The following TXNDC11 variants were observed in gnomAD, a reference collection of about 807,000 sequenced individuals.
TXNDC11 encodes the protein thioredoxin domain-containing protein 11.
Under a neutral mutation model 78.0 loss-of-function variants are expected in TXNDC11, and 68 were observed. The ratio of observed to expected loss-of-function variants is 0.87; its 90% CI spans 0.72 to 1.07. TXNDC11 has a LOEUF of 1.07. Ranked by LOEUF, TXNDC11 falls within the 50% of genes least tolerant of loss-of-function variation. The pLI is 0.00. For missense variants in TXNDC11, 1,389 were observed against 1,221.8 expected, an observed-to-expected ratio of 1.14 and a Z score of -2.04; for synonymous variants, 571 against 495.2, an observed-to-expected ratio of 1.15 and a Z score of -2.03.
At position 11,683,443 on chromosome 16, in the gene TXNDC11, G is replaced by A. The variant is rs562965741; in HGVS notation, c.2234+722C>T. Among the ~76,000 whole-genome samples, 35 of 152,328 alleles carry A rather than the reference G, an allele frequency of 2.3e-4. 1 individual carries two copies. The highest frequency in any genetic ancestry group is 8.2e-4 in the African/African-American group (34 of 41,590). On this transcript the variant is annotated intron_variant, in intron 11 of 11. Coordinates refer to ENST00000283033, the MANE Select transcript of TXNDC11 (RefSeq NM_015914.7). ...GCCACCCTGTCCTCTGTACGAGAGG[G>A]ATGAGGAGCTGCTGGGAGGCCAACT...
chr16:11,686,553 G>A (rs138982142), intron 10 of TXNDC11, among the ~76,000 whole-genome samples: 3 of 152,204 alleles, frequency 2.0e-5, no homozygotes, highest in African/African-American at 7.2e-5. Context: ...AAGAGTTATG[G>A]CAATGTACTC....
chr16:11,685,666 C>CA (rs1459846278), intron 10 of TXNDC11, among the ~76,000 whole-genome samples: 1 of 151,218 alleles, frequency 6.6e-6, no homozygotes, highest in Non-Finnish European at 1.5e-5. Context: ...AAAACAAAAA[C>CA]AAAAAACAAC....
At chr16:11,733,233 GCAA>G (rs1344653882) in intron 3 of TXNDC11, among the ~76,000 whole-genome samples, 1 of 151,822 alleles carries the variant, frequency 6.6e-6, no homozygotes, top group African/African-American at 2.4e-5. Flanking sequence ...TCCAGCCTGG[GCAA>G]CAAAAGCTAA....
chr16:11,701,200 G>A (rs1045482687), intron 5 of TXNDC11, among the ~76,000 whole-genome samples: 8 of 139,858 alleles, frequency 5.7e-5, no homozygotes, highest in Admixed American at 1.5e-4. Flanking sequence ...GCAGTGGTGC[G>A]ATATCGGCTC....
intron 3 of TXNDC11, among the ~76,000 whole-genome samples, chr16:11,732,188 T>C (rs928667909): frequency 6.6e-5 from 10 of 152,230 alleles, no homozygotes; most frequent in Non-Finnish European, 1.5e-4. Context: ...GTCCCTTCAA[T>C]CTTTCTGCAA....
At chr16:11,722,821 T>C (rs897595459) in intron 4 of TXNDC11, among the ~76,000 whole-genome samples, 3 of 152,220 alleles carry the variant, frequency 2.0e-5, no homozygotes, top group African/African-American at 7.2e-5. Flanking sequence ...ATTTGATCTG[T>C]TGGTAAAGTT....
intron 6 of TXNDC11, 47 bp downstream of exon 6, chr16:11,700,405 G>A (rs1172152030): frequency 4.4e-6 from 4 of 908,624 alleles, no homozygotes; most frequent in Non-Finnish European, 7.0e-6. Flanking sequence ...ACCTAAACAA[G>A]GTTAAGAACC....
chr16:11,698,072 T>C, intron 7 of TXNDC11, 53 bp downstream of exon 7: 1 of 1,528,994 alleles, frequency 6.5e-7, no homozygotes, highest in Non-Finnish European at 9.1e-7. Context: ...AGGAGCCAGG[T>C]AGATGAGGCT....
intron 5 of TXNDC11, among the ~76,000 whole-genome samples, chr16:11,704,530 T>A (rs1481760515): frequency 1.3e-5 from 2 of 152,224 alleles, no homozygotes; most frequent in Non-Finnish European, 2.9e-5. Flanking sequence ...TTTAACCAAC[T>A]GATCAAAGTT....
At chr16:11,703,137 C>T (rs993004083) in intron 5 of TXNDC11, among the ~76,000 whole-genome samples, 8 of 152,098 alleles carry the variant, frequency 5.3e-5, no homozygotes, top group East Asian at 3.8e-4. Context: ...GCAAACCCAA[C>T]GTGGAATACA....
intron 11 of TXNDC11, among the ~76,000 whole-genome samples, chr16:11,683,658 G>GT (rs2050490672): frequency 6.6e-6 from 1 of 152,048 alleles, no homozygotes; most frequent in African/African-American, 2.4e-5. Flanking sequence ...TCAAGCTCGG[G>GT]TAAGAGATAG....
At chr16:11,718,486 T>G (rs1567333784) in intron 5 of TXNDC11, among the ~76,000 whole-genome samples, 1 of 152,150 alleles carries the variant, frequency 6.6e-6, no homozygotes. Flanking sequence ...TTTGAAACTG[T>G]ATCTTTTTTT....
In TXNDC11 at chr16:11,730,754, T is replaced by C. The variant is rs547620492; in HGVS notation, c.590A>G (p.Lys197Arg). Residue 197 changes from lysine to arginine, a missense_variant, in exon 4 of 12, where the codon AAA (lysine) becomes AGA (arginine). Physicochemically the swap from Lys to Arg is conservative, Grantham distance 26. Transcript: ENST00000283033. ...YHRSFGPIEYKGPMSAVYIEK... is the reference protein window; with the variant it reads ...YHRSFGPIEYRGPMSAVYIEK... Reference sequence around the variant, plus strand: ...AATGTAAACAGCACTCATGGGGCCTTTGTATTCGATTGGTCCAAAACTAGT... The same window carrying C: ...AATGTAAACAGCACTCATGGGGCCTCTGTATTCGATTGGTCCAAAACTAGT... 8.1e-6 allele frequency: 13 copies of C among 1,602,984 alleles called. No individual in the cohort carries two copies. Among genetic ancestry groups the C allele is most frequent in the African/African-American group, 5.3e-5 (4 of 74,906 alleles).
At position 11,692,059 on chromosome 16, in the gene TXNDC11, G is replaced by A. The variant is rs1191557899; in HGVS notation, c.1131C>T (p.Tyr377=). The A allele has an allele frequency of 6.5e-7, 1 of 1,531,784 alleles. No homozygotes were observed. Among genetic ancestry groups the A allele is most frequent in the African/African-American group, 1.4e-5 (1 of 72,402 alleles). 94.9% of individuals were successfully genotyped at this position (1,531,784 alleles called of 1,614,324 possible). A position where few individuals can be genotyped will look rare whatever the true frequency, so the allele number is the denominator to read the frequency against. ...IDEITEVALE[Y]NNCHGDQVVE... is the part of the protein sequence containing the mutation. ...CCACCTGGTCCCCATGACAGTTGTT[G>A]TACTCCAAGGCCACTTCGGTGATCT... is the stretch of plus-strand genomic sequence containing the variant. The change falls in exon 8 of 12, where the codon TAC becomes TAT. Residue 377 remains tyrosine (Y), a synonymous_variant. Coordinates refer to ENST00000283033, the MANE Select transcript of TXNDC11 (RefSeq NM_015914.7).
chr16:11,713,583 T>C (rs935787155), intron 5 of TXNDC11, among the ~76,000 whole-genome samples: 1 of 152,002 alleles, frequency 6.6e-6, no homozygotes, highest in Admixed American at 6.6e-5. Context: ...TGCCTGCCTA[T>C]TTTTGTATTT....
At chr16:11,703,946 G>C (rs1054533878) in intron 5 of TXNDC11, among the ~76,000 whole-genome samples, 5 of 152,220 alleles carry the variant, frequency 3.3e-5, no homozygotes, top group African/African-American at 1.2e-4. Context: ...ACAAGAATTA[G>C]CCGGATGTGG....
Position 11,691,454 on chromosome 16 carries a change from G to C in TXNDC11, c.1736C>G (p.Thr579Ser). 6.2e-7 allele frequency: 1 copy of C among 1,614,230 alleles called. No individual in the cohort carries two copies. The highest frequency in any genetic ancestry group is 8.5e-7 in the Non-Finnish European group (1 of 1,180,024). The change falls in exon 8 of 12, where the codon ACT (threonine) becomes AGT (serine). Residue 579 changes from threonine to serine, a missense_variant. Physicochemically the swap from Thr to Ser is moderately conservative, Grantham distance 58. Coordinates refer to ENST00000283033, the MANE Select transcript of TXNDC11 (RefSeq NM_015914.7). ...FTGLSCRTNK[T>S]LNIYLLDSNL... ...TGAATCCAAAAGGTAGATGTTGAGA[G>C]TCTTGTTGGTTCTGCAGCTCAGGCC... is the stretch of plus-strand genomic sequence containing the variant.
chr16:11,690,083 G>A (rs902148769), intron 8 of TXNDC11: 10 of 152,244 alleles, frequency 6.6e-5, no homozygotes, highest in Admixed American at 5.9e-4. Flanking sequence ...GAAGCTCTGA[G>A]TCTACTGTTG....
intron 6 of TXNDC11, 53 bp downstream of exon 6, chr16:11,700,399 A>T (rs2050978874): frequency 1.2e-6 from 1 of 848,224 alleles, no homozygotes. Flanking sequence ...TCTGTGACCT[A>T]AACAAGGTTA....
Sources: gnomAD v4.1 joint callset for allele counts (sites outside exome capture counted in the v4.1 genomes callset) on GRCh38, gnomAD v4.1.1 for gene constraint, MANE v1.5 for transcripts, NCBI Gene and HGNC (gene_info 2026-07-23, HGNC 2026-07-21) for gene names.